The following FER variants were observed in gnomAD, a reference collection of about 807,000 sequenced individuals.
FER encodes the protein FER tyrosine kinase.
FER carries 63 observed loss-of-function variants against 111.0 expected under a neutral mutation model. The observed-to-expected ratio is 0.57, with a 90% CI of 0.46 to 0.70. The LOEUF (loss-of-function observed/expected upper bound fraction) is 0.70, where lower values mean the gene tolerates loss of function less well. Ranked by LOEUF, FER falls within the 30% of genes least tolerant of loss-of-function variation. FER has a pLI of 0.00. For synonymous variants in FER, 327 were observed against 313.9 expected (o/e 1.04, Z -0.44); for missense variants, 914 against 954.0 (o/e 0.96, Z 0.55).
intron 1 of FER, among the ~76,000 whole-genome samples, chr5:108,764,627 C>T (rs996482661): frequency 2.0e-5 from 3 of 152,076 alleles, no homozygotes; most frequent in African/African-American, 4.8e-5. Flanking sequence ...GAACTCCTGA[C>T]CTCAGGTGAT....
chr5:109,041,777 GTGGGTAA>G lies in FER; in HGVS notation c.1714-2901_1714-2895del, dbSNP rs1357074027. 1.1e-4 allele frequency among the ~76,000 whole-genome samples: 16 copies of G among 152,308 alleles called. No homozygotes were observed. The East Asian group carries it at 3.1e-3, about 29-fold the overall frequency. On this transcript the variant is annotated intron_variant, in intron 14 of 19. Transcript: ENST00000281092. ...TAAATGACAGCTGGAGTGAGGAATA[GTGGGTAA>G]TATAATTGAGTGACAAATTTTCAAA...
intron 17 of FER, among the ~76,000 whole-genome samples, chr5:109,160,498 G>A (rs965165903): frequency 1.3e-5 from 2 of 152,138 alleles, no homozygotes; most frequent in Non-Finnish European, 2.9e-5. Context: ...GTCGTAACTT[G>A]CTGTGCAAAA....
At chr5:109,036,486 C>G (rs1359715021) in intron 13 of FER, among the ~76,000 whole-genome samples, 5 of 152,014 alleles carry the variant, frequency 3.3e-5, no homozygotes, top group Admixed American at 1.3e-4. Flanking sequence ...TTACTTGTTA[C>G]AACTCATAGA....
At chr5:109,105,262 G>C (rs1748765037) in intron 17 of FER, among the ~76,000 whole-genome samples, 1 of 147,060 alleles carries the variant, frequency 6.8e-6, no homozygotes, top group Non-Finnish European at 1.5e-5. Context: ...GTGTGTGTGT[G>C]TGTGTGTGTG....
intron 2 of FER, chr5:108,784,356 C>T (rs912666899): frequency 1.4e-4 from 22 of 153,278 alleles, no homozygotes; most frequent in Non-Finnish European, 2.2e-4. Context: ...GATGGAACCC[C>T]ATGCCTCTAG....
chr5:109,085,239 C>T (rs2150029904), intron 16 of FER, among the ~76,000 whole-genome samples: 1 of 151,898 alleles, frequency 6.6e-6, no homozygotes, highest in East Asian at 1.9e-4. Flanking sequence ...CCTTTCACTT[C>T]TCTTAGAGAT....
chr5:108,812,239 C>T (rs1757841606), intron 3 of FER, among the ~76,000 whole-genome samples: 1 of 152,096 alleles, frequency 6.6e-6, no homozygotes, highest in African/African-American at 2.4e-5. Context: ...GTTATATCTT[C>T]TTGACAAATA....
chr5:108,811,347 T>G (rs1757740022), intron 3 of FER, among the ~76,000 whole-genome samples: 1 of 152,256 alleles, frequency 6.6e-6, no homozygotes, highest in Non-Finnish European at 1.5e-5. Context: ...TATATATATT[T>G]TGCCATGGAT....
At chr5:108,959,419 A>G (rs1758866328) in intron 13 of FER, 72 bp downstream of exon 13, 6 of 1,482,200 alleles carry the variant, frequency 4.0e-6, no homozygotes, top group Non-Finnish European at 5.4e-6. Flanking sequence ...TCCAACAGTA[A>G]ATAAAATTCT....
intron 4 of FER, among the ~76,000 whole-genome samples, chr5:108,835,187 C>CT (rs1561487704): frequency 9.4e-6 from 1 of 106,696 alleles, no homozygotes; most frequent in Non-Finnish European, 1.9e-5. Context: ...TTGCGCCACC[C>CT]CCCCCCCCCC....
At chr5:109,152,816 C>T (rs1263473676) in intron 17 of FER, among the ~76,000 whole-genome samples, 2 of 151,902 alleles carry the variant, frequency 1.3e-5, no homozygotes, top group Admixed American at 6.6e-5. Context: ...TAGTTTTATG[C>T]ACTACCTATC....
chr5:108,918,129 C>T (rs1451516719), intron 10 of FER, among the ~76,000 whole-genome samples: 1 of 152,042 alleles, frequency 6.6e-6, no homozygotes, highest in Non-Finnish European at 1.5e-5. Flanking sequence ...CTAAGCTTTC[C>T]AAAGGCCAAA....
intron 17 of FER, among the ~76,000 whole-genome samples, chr5:109,119,057 A>T (rs1315407182): frequency 1.3e-5 from 2 of 150,902 alleles, no homozygotes; most frequent in Non-Finnish European, 3.0e-5. Flanking sequence ...CTAGCTTTTG[A>T]ATGTGTTTGC....
intron 13 of FER, among the ~76,000 whole-genome samples, chr5:108,977,160 A>G (rs183544240): frequency 2.2e-4 from 33 of 152,342 alleles, no homozygotes; most frequent in African/African-American, 6.7e-4. Context: ...TACAGTAGTA[A>G]TGTATGTACT....
intron 13 of FER, among the ~76,000 whole-genome samples, chr5:108,974,687 A>G (rs898862565): frequency 1.3e-5 from 2 of 152,232 alleles, no homozygotes; most frequent in African/African-American, 4.8e-5. Flanking sequence ...TGTACTCACA[A>G]GTATTCTTAC....
At chr5:109,129,883 C>A (rs957448642) in intron 17 of FER, among the ~76,000 whole-genome samples, 3 of 151,954 alleles carry the variant, frequency 2.0e-5, no homozygotes, top group Non-Finnish European at 4.4e-5. Flanking sequence ...TTTATAATGA[C>A]AAATTTTTGG....
At chr5:108,913,069 T>A (rs1413549321) in intron 10 of FER, among the ~76,000 whole-genome samples, 1 of 152,130 alleles carries the variant, frequency 6.6e-6, no homozygotes, top group Non-Finnish European at 1.5e-5. Flanking sequence ...TACAAATACC[T>A]CAGTAAATGA....
rs541274496 is a variant in FER at position 108,912,582 on chromosome 5, G to A, written c.1236+14734G>A. ...TTGCCATGTTGGCCAGGCTGGTTTC[G>A]AACTCTGACCTCAGGTGATCCACCT... is the stretch of plus-strand genomic sequence containing the variant. On this transcript the variant is annotated intron_variant, in intron 10 of 19. Coordinates refer to ENST00000281092, the MANE Select transcript of FER (RefSeq NM_005246.4). 2.6e-5 allele frequency among the ~76,000 whole-genome samples: 4 copies of A among 152,196 alleles called. No homozygotes were observed. The South Asian group carries it at 6.2e-4, about 24-fold the overall frequency.
At chr5:108,958,286 G>A (rs1262539930) in intron 12 of FER, among the ~76,000 whole-genome samples, 7 of 151,680 alleles carry the variant, frequency 4.6e-5, no homozygotes, top group South Asian at 4.2e-4. Context: ...AGTCAGTTTC[G>A]AAAGTTCTTA....
Sources: gnomAD v4.1 joint callset for allele counts (sites outside exome capture counted in the v4.1 genomes callset) on GRCh38, gnomAD v4.1.1 for gene constraint, MANE v1.5 for transcripts, NCBI Gene and HGNC (gene_info 2026-07-23, HGNC 2026-07-21) for gene names.